Variants in ADCY5 observed in about 807,000 individuals in gnomAD.
ADCY5 encodes the protein adenylate cyclase 5, also known as adenylate cyclase type 5.
Under a neutral mutation model 119.7 loss-of-function variants are expected in ADCY5, and 30 were observed. That is an observed-to-expected ratio of 0.25 (90% CI 0.19 to 0.34). ADCY5 has a LOEUF of 0.34. ADCY5 is among the 10% of genes least tolerant of loss of function. The probability of loss-of-function intolerance (pLI) is 1.00; values close to 1 mark genes in which losing one functional copy is unlikely to be tolerated. For missense variants in ADCY5, 1,324 were observed against 1,775.2 expected (o/e 0.75, Z 4.57); for synonymous variants, 753 against 762.2 (o/e 0.99, Z 0.20).
Position 123,325,400 on chromosome 3 carries a change from G to T in ADCY5, c.2010C>A (p.Asn670Lys). 1 of 1,614,206 alleles carries T rather than the reference G, an allele frequency of 6.2e-7. No homozygotes were observed. The highest frequency in any genetic ancestry group is 8.5e-7 in the Non-Finnish European group (1 of 1,180,024). ...GGCGCTCAGCCCCCCAGTGTGGTGG[G>T]TTGTGCCCGATGGAGTTGGTTCTCT... The part of the protein sequence containing the change: ...NRQRTNSIGH[N>K]PPHWGAERPF... Residue 670 changes from asparagine (N) to lysine (K), a missense_variant, in exon 8 of 21, where the codon AAC becomes AAA. Coordinates refer to ENST00000462833, the MANE Select transcript of ADCY5 (RefSeq NM_183357.3).
rs947772068 is a variant in ADCY5 at position 123,410,154 on chromosome 3, G to A, written c.1134+37258C>T. Among the ~76,000 whole-genome samples, 4 of 152,268 alleles carry A rather than the reference G, an allele frequency of 2.6e-5. 1 individual carries two copies. The South Asian group carries it at 8.3e-4, about 32-fold the overall frequency. On this transcript the variant is annotated intron_variant, in intron 1 of 20. Coordinates refer to ENST00000462833, the MANE Select transcript of ADCY5 (RefSeq NM_183357.3). ...CCATCTGCCCTCAGGGCCTCCACCA[G>A]AACTAGGAGAATGAGAAAGGGAGGG...
intron 1 of ADCY5, among the ~76,000 whole-genome samples, chr3:123,413,926 T>G (rs1173444242): frequency 6.6e-6 from 1 of 152,128 alleles, no homozygotes; most frequent in Non-Finnish European, 1.5e-5. Flanking sequence ...CTGCGAACTG[T>G]GTGATCCTGT....
chr3:123,346,116 A>G (rs918526924), intron 3 of ADCY5, among the ~76,000 whole-genome samples: 7 of 152,202 alleles, frequency 4.6e-5, no homozygotes, highest in African/African-American at 1.4e-4. Context: ...TGGCTGGTTC[A>G]GGCAAGCTCT....
At chr3:123,417,941 CA>C (rs1187813995) in intron 1 of ADCY5, among the ~76,000 whole-genome samples, 1 of 152,218 alleles carries the variant, frequency 6.6e-6, no homozygotes, top group African/African-American at 2.4e-5. Context: ...GGCCTTCCAA[CA>C]GAGCGAGACT....
intron 1 of ADCY5, among the ~76,000 whole-genome samples, chr3:123,425,250 G>T (rs924017): frequency 3.3e-5 from 5 of 152,202 alleles, no homozygotes; most frequent in Non-Finnish European, 7.3e-5. Context: ...TCATTACAAC[G>T]TCACACTCCA....
intron 1 of ADCY5, among the ~76,000 whole-genome samples, chr3:123,428,708 C>G (rs1339143711): frequency 6.6e-6 from 1 of 152,212 alleles, no homozygotes; most frequent in African/African-American, 2.4e-5. Context: ...GGGAAGAGCA[C>G]TGGATGGTAG....
chr3:123,339,376 G>C (rs1161602954), intron 3 of ADCY5, among the ~76,000 whole-genome samples: 1 of 152,162 alleles, frequency 6.6e-6, no homozygotes, highest in African/African-American at 2.4e-5. Context: ...CTGGGCTGAG[G>C]TCAGACACCA....
intron 1 of ADCY5, among the ~76,000 whole-genome samples, chr3:123,377,948 A>AAC (rs33929559): frequency 6.6e-6 from 1 of 150,938 alleles, no homozygotes; most frequent in East Asian, 1.9e-4. Context: ...AAAAAAAAAA[A>AAC]CTCAAAAAAT....
intron 18 of ADCY5, 125 bp downstream of exon 18, chr3:123,290,988 C>T (rs971767863): frequency 1.5e-5 from 20 of 1,292,552 alleles, no homozygotes; most frequent in Non-Finnish European, 1.9e-5. Context: ...GCCGGCAGAG[C>T]TCCCATCATC....
intron 1 of ADCY5, among the ~76,000 whole-genome samples, chr3:123,379,419 A>G (rs1407613857): frequency 6.6e-6 from 1 of 152,116 alleles, no homozygotes; most frequent in African/African-American, 2.4e-5. Flanking sequence ...CCCTCGAGGA[A>G]TGTTTCCAAG....
At chr3:123,341,562 T>G (rs899856446) in intron 3 of ADCY5, among the ~76,000 whole-genome samples, 1 of 152,098 alleles carries the variant, frequency 6.6e-6, no homozygotes, top group Non-Finnish European at 1.5e-5. Context: ...ACGGTGGTGA[T>G]GGTGGTTGCA....
At chr3:123,386,692 C>T (rs960462554) in intron 1 of ADCY5, among the ~76,000 whole-genome samples, 1 of 152,092 alleles carries the variant, frequency 6.6e-6, no homozygotes, top group African/African-American at 2.4e-5. Flanking sequence ...CCTCCTTGGG[C>T]AGTTTCAAGG....
At chr3:123,297,905 T>G (rs951562382) in intron 15 of ADCY5, among the ~76,000 whole-genome samples, 3 of 152,272 alleles carry the variant, frequency 2.0e-5, no homozygotes, top group Non-Finnish European at 2.9e-5. Context: ...AAAATGATAT[T>G]TTGGCTATAT....
At chr3:123,408,728 G>A (rs1027580220) in intron 1 of ADCY5, among the ~76,000 whole-genome samples, 1 of 151,332 alleles carries the variant, frequency 6.6e-6, no homozygotes, top group Non-Finnish European at 1.5e-5. Flanking sequence ...TGTAATCTCA[G>A]CACTTTGGGA....
intron 5 of ADCY5, among the ~76,000 whole-genome samples, chr3:123,329,021 G>A (rs1000195307): frequency 6.6e-6 from 1 of 152,186 alleles, no homozygotes; most frequent in Non-Finnish European, 1.5e-5. Flanking sequence ...CTGGCCACAA[G>A]GTGGCGCGGT....
At chr3:123,436,832 C>A (rs1945627115) in intron 1 of ADCY5, among the ~76,000 whole-genome samples, 1 of 152,058 alleles carries the variant, frequency 6.6e-6, no homozygotes, top group Non-Finnish European at 1.5e-5. Context: ...AAGAGAGAGG[C>A]CCAAGGCAGG....
intron 3 of ADCY5, among the ~76,000 whole-genome samples, chr3:123,336,533 G>GTAATC (rs1942034174): frequency 6.6e-6 from 1 of 152,208 alleles, no homozygotes; most frequent in Non-Finnish European, 1.5e-5. Flanking sequence ...TGCCCCCGGG[G>GTAATC]TAGGAAGGAA....
intron 14 of ADCY5, 73 bp downstream of exon 14, chr3:123,302,982 A>G (rs1939930699): frequency 1.3e-6 from 2 of 1,546,314 alleles, no homozygotes; most frequent in Admixed American, 1.7e-5. Flanking sequence ...GACTGTCCTG[A>G]GCAGCTGCAG....
intron 8 of ADCY5, among the ~76,000 whole-genome samples, chr3:123,323,312 T>C (rs1490793383): frequency 1.3e-5 from 2 of 152,210 alleles, no homozygotes; most frequent in African/African-American, 4.8e-5. Context: ...CTTCCAAAAT[T>C]CCTTGTCCTA....
Sources: gnomAD v4.1 joint callset for allele counts (sites outside exome capture counted in the v4.1 genomes callset) on GRCh38, gnomAD v4.1.1 for gene constraint, MANE v1.5 for transcripts, NCBI Gene and HGNC (gene_info 2026-07-23, HGNC 2026-07-21) for gene names.